The following R3HCC1L variants were observed in gnomAD, a reference collection of about 807,000 sequenced individuals.
The protein encoded by R3HCC1L is R3H domain and coiled-coil containing 1 like, also known as coiled-coil domain-containing protein R3HCC1L.
R3HCC1L carries 51 observed loss-of-function variants against 59.9 expected under a neutral mutation model. The ratio of observed to expected loss-of-function variants is 0.85; its 90% CI spans 0.68 to 1.07. The LOEUF (loss-of-function observed/expected upper bound fraction) is 1.07. Ranked by LOEUF, R3HCC1L falls within the 50% of genes least tolerant of loss-of-function variation. The probability of loss-of-function intolerance (pLI) is 0.00; values close to 1 mark genes in which losing one functional copy is unlikely to be tolerated. For synonymous variants in R3HCC1L, 322 were observed against 315.2 expected (o/e 1.02, Z -0.23); for missense variants, 965 against 933.0 (o/e 1.03, Z -0.45).
chr10:98,154,419 CTA>C (rs1190087228), intron 1 of R3HCC1L, among the ~76,000 whole-genome samples: 9 of 152,160 alleles, frequency 5.9e-5, no homozygotes, highest in African/African-American at 1.4e-4. Context: ...ACTGAATAAA[CTA>C]TGTGTTGGGT....
Position 98,234,432 on chromosome 10 carries a change from T to C in R3HCC1L, c.1962-14T>C. On this transcript the variant is annotated splice_polypyrimidine_tract_variant and intron_variant, in intron 6 of 9. Coordinates refer to ENST00000298999, the MANE Select transcript of R3HCC1L (RefSeq NM_001351015.2). ...TTTTATTTTAGGAAATAAAATTGTTTTTTTGTGTTGCAGAAAGAAAGGATT... is the reference window on the plus strand; with the variant it reads ...TTTTATTTTAGGAAATAAAATTGTTCTTTTGTGTTGCAGAAAGAAAGGATT... 6.2e-7 allele frequency: 1 copy of C among 1,609,858 alleles called. No individual in the cohort carries two copies. Among genetic ancestry groups the C allele is most frequent in the Non-Finnish European group, 8.5e-7 (1 of 1,177,776 alleles).
chr10:98,139,669 G>A (rs191535010), intron 1 of R3HCC1L, among the ~76,000 whole-genome samples: 1 of 152,306 alleles, frequency 6.6e-6, no homozygotes, highest in East Asian at 1.9e-4. Flanking sequence ...GTTATAGGGT[G>A]TTACTTAGCA....
At chr10:98,217,197 A>G (rs1590752975) in intron 5 of R3HCC1L, among the ~76,000 whole-genome samples, 1 of 152,182 alleles carries the variant, frequency 6.6e-6, no homozygotes, top group East Asian at 1.9e-4. Flanking sequence ...TGGTTTTTGT[A>G]TATGGTAAGA....
intron 5 of R3HCC1L, among the ~76,000 whole-genome samples, chr10:98,229,128 A>AT (rs1434610345): frequency 6.6e-6 from 1 of 151,922 alleles, no homozygotes; most frequent in African/African-American, 2.4e-5. Flanking sequence ...GAAGAAAGTC[A>AT]TTGGTAGCTT....
chr10:98,169,104 G>A (rs1244534623), intron 4 of R3HCC1L, among the ~76,000 whole-genome samples: 1 of 152,172 alleles, frequency 6.6e-6, no homozygotes, highest in Non-Finnish European at 1.5e-5. Flanking sequence ...ATTGGAAATA[G>A]GCATGCCATG....
intron 4 of R3HCC1L, among the ~76,000 whole-genome samples, chr10:98,171,635 A>G: frequency 6.6e-6 from 1 of 152,210 alleles, no homozygotes; most frequent in East Asian, 1.9e-4. Flanking sequence ...TTTCGGGTAT[A>G]GTTAATAGTG....
intron 1 of R3HCC1L, among the ~76,000 whole-genome samples, chr10:98,142,243 T>C (rs1450202742): frequency 1.3e-5 from 2 of 152,220 alleles, no homozygotes; most frequent in Non-Finnish European, 2.9e-5. Flanking sequence ...ATAAACGATA[T>C]GCATGTTCAC....
At chr10:98,147,184 T>A (rs1845741941) in intron 1 of R3HCC1L, among the ~76,000 whole-genome samples, 1 of 152,204 alleles carries the variant, frequency 6.6e-6, no homozygotes, top group Non-Finnish European at 1.5e-5. Context: ...TTTTTTCATA[T>A]ACCTGTTGGC....
chr10:98,227,270 G>A (rs1440709169), intron 5 of R3HCC1L, among the ~76,000 whole-genome samples: 1 of 152,088 alleles, frequency 6.6e-6, no homozygotes, highest in Non-Finnish European at 1.5e-5. Flanking sequence ...GTAAAACTGA[G>A]GCTTAGTAGA....
intron 4 of R3HCC1L, among the ~76,000 whole-genome samples, chr10:98,169,454 C>T (rs114115035): frequency 1.4e-4 from 21 of 152,198 alleles, no homozygotes; most frequent in African/African-American, 5.1e-4. Flanking sequence ...CAATGTTTAC[C>T]ACAGTCCCTG....
intron 4 of R3HCC1L, among the ~76,000 whole-genome samples, chr10:98,173,942 A>G (rs532740394): frequency 2.0e-5 from 3 of 152,274 alleles, no homozygotes; most frequent in Admixed American, 6.5e-5. Context: ...AGCTGCGTGT[A>G]TGTTGCTTTT....
intron 4 of R3HCC1L, among the ~76,000 whole-genome samples, chr10:98,166,375 T>C (rs1236322457): frequency 6.6e-6 from 1 of 152,230 alleles, no homozygotes; most frequent in Non-Finnish European, 1.5e-5. Flanking sequence ...CAGTCTGTGG[T>C]ACTTTGTTAT....
chr10:98,187,522 G>A (rs1406850230), intron 4 of R3HCC1L, among the ~76,000 whole-genome samples: 2 of 152,048 alleles, frequency 1.3e-5, no homozygotes, highest in Non-Finnish European at 2.9e-5. Flanking sequence ...CTTTGATGGT[G>A]GCAGGAAATT....
intron 4 of R3HCC1L, among the ~76,000 whole-genome samples, chr10:98,166,276 C>A (rs765562635): frequency 3.3e-5 from 5 of 152,160 alleles, no homozygotes; most frequent in Non-Finnish European, 7.3e-5. Context: ...TGGAAGAGGG[C>A]CTGCTCCGGA....
chr10:98,143,048 A>G (rs970486868), intron 1 of R3HCC1L, among the ~76,000 whole-genome samples: 1 of 152,066 alleles, frequency 6.6e-6, no homozygotes, highest in Non-Finnish European at 1.5e-5. Flanking sequence ...AACATTTACC[A>G]TATTAACCTT....
chr10:98,175,529 T>G (rs993455731), intron 4 of R3HCC1L, among the ~76,000 whole-genome samples: 1 of 152,192 alleles, frequency 6.6e-6, no homozygotes, highest in African/African-American at 2.4e-5. Context: ...CTCTACAGTT[T>G]TGTATTTTCC....
intron 1 of R3HCC1L, among the ~76,000 whole-genome samples, chr10:98,136,678 G>A (rs1844617708): frequency 1.3e-5 from 2 of 151,882 alleles, no homozygotes; most frequent in South Asian, 4.2e-4. Context: ...TCTATTAAAA[G>A]TACAAAAAAT....
intron 4 of R3HCC1L, among the ~76,000 whole-genome samples, chr10:98,171,857 G>A (rs745782344): frequency 1.3e-5 from 2 of 152,080 alleles, no homozygotes; most frequent in South Asian, 4.1e-4. Flanking sequence ...GGAAAGGCAC[G>A]GTAGACAAGC....
chr10:98,135,833 A>G (rs1403777683), intron 1 of R3HCC1L, among the ~76,000 whole-genome samples: 3 of 152,208 alleles, frequency 2.0e-5, no homozygotes, highest in Non-Finnish European at 2.9e-5. Context: ...TTCCTCAGAT[A>G]TGGTTGTACT....
Sources: allele counts gnomAD v4.1 joint callset (sites outside exome capture counted in the v4.1 genomes callset), GRCh38; gene constraint gnomAD v4.1.1; transcripts MANE v1.5; gene names NCBI Gene and HGNC (gene_info 2026-07-23, HGNC 2026-07-21).